Variants in SERPINB10 observed in about 807,000 individuals in gnomAD.
SERPINB10 encodes the protein serpin B10.
In SERPINB10, 35 loss-of-function variants were observed where a neutral mutation model predicts 39.1. The observed-to-expected ratio is 0.90, with a 90% CI of 0.68 to 1.19. SERPINB10 has a LOEUF of 1.19. Among genes scored for constraint, SERPINB10 ranks in the 50% most tolerant of loss-of-function variants. The pLI, the probability that SERPINB10 is intolerant of heterozygous loss-of-function variation, is 0.00. For missense variants in SERPINB10, 546 were observed against 460.5 expected (o/e 1.19, Z -1.70); for synonymous variants, 190 against 158.1 (o/e 1.20, Z -1.52).
Position 63,930,423 on chromosome 18 carries a change from G to T in SERPINB10, c.633+236G>T, listed in dbSNP as rs560778606. On this transcript the variant is annotated intron_variant, in intron 6 of 7. Coordinates refer to ENST00000238508, the MANE Select transcript of SERPINB10 (RefSeq NM_005024.3). ...CTTGCCACCCATGTGAGCTGGGTAG[G>T]GTAGTTTTCATATTTATTTCCTAGG... Among the ~76,000 whole-genome samples the T allele has an allele frequency of 3.9e-5, 6 of 152,164 alleles. No homozygotes were observed. The South Asian group carries it at 1.2e-3, about 32-fold the overall frequency.
rs2050068301 is a variant in SERPINB10, at chr18:63,911,987, T to C, written c.-9-3515T>C. On this transcript the variant is annotated intron_variant, in intron 1 of 7. Coordinates refer to ENST00000238508, the MANE Select transcript of SERPINB10 (RefSeq NM_005024.3). ...TTTTTACCTCACTTTGTAGAGATCT[T>C]TCAATTTCTTCATCAGGTGTATTCC... is the stretch of plus-strand genomic sequence containing the variant. Among the ~76,000 whole-genome samples the C allele has an allele frequency of 2.0e-5, 3 of 152,164 alleles. No individual in the cohort carries two copies. In the South Asian group the frequency reaches 6.2e-4, roughly 32 times the overall value.
chr18:63,935,512 A>G lies in SERPINB10; in HGVS notation c.*270A>G. 1 of 331,510 alleles carries G rather than the reference A, an allele frequency of 3.0e-6. No individual in the cohort carries two copies. Among genetic ancestry groups the G allele is most frequent in the Non-Finnish European group, 5.5e-6 (1 of 183,258 alleles). 20.5% of individuals were successfully genotyped at this position (331,510 alleles called of 1,614,324 possible). Reference sequence around the variant, plus strand: ...CAGAAGTACTATGCTATTCAACTGAATGCCTTACAATTCTTGATCACTTGC... The same window carrying G: ...CAGAAGTACTATGCTATTCAACTGAGTGCCTTACAATTCTTGATCACTTGC... On this transcript the variant is annotated 3_prime_UTR_variant, in exon 8 of 8. Transcript: ENST00000238508.
intron 7 of SERPINB10, among the ~76,000 whole-genome samples, chr18:63,933,468 A>G (rs563448976): frequency 1.9e-4 from 29 of 152,338 alleles, no homozygotes; most frequent in Admixed American, 6.5e-4. Context: ...GCCTGGGGTC[A>G]TCACACACAT....
intron 1 of SERPINB10, among the ~76,000 whole-genome samples, chr18:63,912,419 T>C (rs1599073359): frequency 6.6e-6 from 1 of 151,992 alleles, no homozygotes; most frequent in African/African-American, 2.4e-5. Context: ...TGGCTGTGGG[T>C]TTGTTACAGA....
chr18:63,917,996 A>T lies in SERPINB10; in HGVS notation c.266A>T (p.His89Leu), dbSNP rs1440731212. The T allele has an allele frequency of 3.7e-6, 6 of 1,611,936 alleles. No homozygotes were observed. The highest frequency in any genetic ancestry group is 1.6e-4 in the Middle Eastern group (1 of 6,068). ...EFNLSNSEEIHSDFQTLISEI... is the reference protein window; with the variant it reads ...EFNLSNSEEILSDFQTLISEI... ...AACTTGAGCAACTCGGAAGAAATAC[A>T]CTCTGATTTCCAAACACTTATCTCA... Residue 89 changes from histidine to leucine, a missense_variant, in exon 4 of 8, where the codon CAC (histidine) becomes CTC (leucine). His to Leu is a moderately conservative substitution (Grantham distance 99). Coordinates refer to ENST00000238508, the MANE Select transcript of SERPINB10 (RefSeq NM_005024.3).
At chr18:63,918,152 G>C (rs898519885) in intron 4 of SERPINB10, 50 bp downstream of exon 4, 1 of 1,584,294 alleles carries the variant, frequency 6.3e-7, no homozygotes, top group Non-Finnish European at 8.6e-7. Context: ...AGAGCAATGT[G>C]AGACCAATCA....
chr18:63,920,038 T>C (rs1171162025), intron 5 of SERPINB10, 133 bp downstream of exon 5: 1 of 492,124 alleles, frequency 2.0e-6, no homozygotes, highest in Non-Finnish European at 3.6e-6. Flanking sequence ...TCAGAACATT[T>C]ATTTCTATTC....
intron 5 of SERPINB10, among the ~76,000 whole-genome samples, chr18:63,928,869 T>C (rs933480767): frequency 1.1e-4 from 17 of 150,656 alleles, no homozygotes; most frequent in Non-Finnish European, 5.9e-5. Context: ...TAAGAATGCT[T>C]GTGATTTTTG....
intron 3 of SERPINB10, 51 bp downstream of exon 3, chr18:63,917,572 T>C: frequency 9.4e-7 from 1 of 1,060,302 alleles, no homozygotes; most frequent in South Asian, 1.7e-5. Context: ...AAAGTACTTT[T>C]AGCACATGTA....
At chr18:63,934,148 T>C (rs955074092) in intron 7 of SERPINB10, among the ~76,000 whole-genome samples, 5 of 152,212 alleles carry the variant, frequency 3.3e-5, no homozygotes, top group Non-Finnish European at 5.9e-5. Context: ...AAGATGCATG[T>C]GCATTGAAAC....
At chr18:63,932,722 A>G (rs2050231932) in intron 6 of SERPINB10, among the ~76,000 whole-genome samples, 1 of 152,220 alleles carries the variant, frequency 6.6e-6, no homozygotes, top group Non-Finnish European at 1.5e-5. Context: ...TTTCATGTAA[A>G]ATATGCCTTA....
chr18:63,913,233 G>C (rs553782884), intron 1 of SERPINB10, among the ~76,000 whole-genome samples: 2 of 151,702 alleles, frequency 1.3e-5, no homozygotes, highest in African/African-American at 4.8e-5. Context: ...CCAACTTTTG[G>C]TTTTGTTGAT....
At chr18:63,912,545 A>G (rs1433573116) in intron 1 of SERPINB10, among the ~76,000 whole-genome samples, 1 of 151,778 alleles carries the variant, frequency 6.6e-6, no homozygotes, top group African/African-American at 2.4e-5. Context: ...AGATGATCAG[A>G]TGTTTTTTGT....
chr18:63,919,785 C>A lies in SERPINB10; in HGVS notation c.373-3C>A, dbSNP rs749360944. On this transcript the variant is annotated splice_polypyrimidine_tract_variant and splice_region_variant and intron_variant, in intron 4 of 7. Coordinates refer to ENST00000238508, the MANE Select transcript of SERPINB10 (RefSeq NM_005024.3). ...AAAGGGGATTTTTATCTATGTCTTT[C>A]AGAAATATTTAGAAGACATGAAAAC... 6 of 1,559,148 alleles carry A rather than the reference C, an allele frequency of 3.8e-6. No homozygotes were observed. Among genetic ancestry groups the A allele is most frequent in the Non-Finnish European group, 5.2e-6 (6 of 1,143,352 alleles).
At chr18:63,913,883 C>G (rs555261966) in intron 1 of SERPINB10, among the ~76,000 whole-genome samples, 6 of 152,064 alleles carry the variant, frequency 3.9e-5, no homozygotes, top group African/African-American at 1.4e-4. Flanking sequence ...TGTTGTGTGT[C>G]TGTCTAAGTC....
Position 63,917,505 on chromosome 18 carries a change from A to G in SERPINB10, c.218A>G (p.Glu73Gly). The G allele has an allele frequency of 2.7e-6, 4 of 1,500,204 alleles. No homozygotes were observed. The highest frequency in any genetic ancestry group is 2.5e-5 in the South Asian group (2 of 79,130). 92.9% of individuals were successfully genotyped at this position (1,500,204 alleles called of 1,614,324 possible). A position where few individuals can be genotyped will look rare whatever the true frequency, so the allele number is the denominator to read the frequency against. ...DQGVKCDPES[E>G]KKRKMEFNLS... The stretch of plus-strand genomic sequence containing the variant: ...GGAGTCAAATGTGACCCTGAAAGTG[A>G]AAAAAAAAGGAAAATGGTATATCTT... The change falls in exon 3 of 8, where the codon GAA becomes GGA. Residue 73 changes from glutamate (E) to glycine (G), a missense_variant. Physicochemically the swap from Glu to Gly is moderately conservative, Grantham distance 98. Coordinates refer to ENST00000238508, the MANE Select transcript of SERPINB10 (RefSeq NM_005024.3).
chr18:63,935,295 C>G lies in SERPINB10; in HGVS notation c.*53C>G. 4 of 1,487,204 alleles carry G rather than the reference C, an allele frequency of 2.7e-6. No individual in the cohort carries two copies. The highest frequency in any genetic ancestry group is 2.7e-6 in the Non-Finnish European group (3 of 1,122,564). 92.1% of individuals were successfully genotyped at this position (1,487,204 alleles called of 1,614,324 possible). ...CCATCTTACAGTGTGAAAAATGTAC[C>G]ATGAGATGGAAAAGCACAATTTTCA... On this transcript the variant is annotated 3_prime_UTR_variant, in exon 8 of 8. Transcript: ENST00000238508.
At chr18:63,913,287 G>A (rs964656285) in intron 1 of SERPINB10, among the ~76,000 whole-genome samples, 9 of 151,596 alleles carry the variant, frequency 5.9e-5, no homozygotes, top group African/African-American at 2.2e-4. Context: ...CAGTTTTGCT[G>A]ATTTTACTTA....
At chr18:63,932,580 T>G (rs2050231079) in intron 6 of SERPINB10, among the ~76,000 whole-genome samples, 1 of 152,076 alleles carries the variant, frequency 6.6e-6, no homozygotes, top group South Asian at 2.1e-4. Flanking sequence ...TATTGTTGAG[T>G]TTTTTATTAT....
Sources: gnomAD v4.1 joint callset for allele counts (sites outside exome capture counted in the v4.1 genomes callset) on GRCh38, gnomAD v4.1.1 for gene constraint, MANE v1.5 for transcripts, NCBI Gene and HGNC (gene_info 2026-07-23, HGNC 2026-07-21) for gene names.